The following ARID2 variants were observed in gnomAD, a reference collection of about 807,000 sequenced individuals.
The protein encoded by ARID2 is AT-rich interactive domain-containing protein 2.
A neutral mutation model predicts 184.6 loss-of-function variants in ARID2; 32 were observed. The observed-to-expected ratio is 0.17, with a 90% CI of 0.13 to 0.23. The LOEUF is 0.23. Among genes scored for constraint, ARID2 ranks in the 10% least tolerant of loss-of-function variants. ARID2 has a pLI of 1.00. For synonymous variants in ARID2, 836 were observed against 772.6 expected (o/e 1.08, Z -1.36); for missense variants, 1,696 against 2,197.6 (o/e 0.77, Z 4.56).
At chr12:45,798,980 C>T (rs1942443813) in intron 3 of ARID2, among the ~76,000 whole-genome samples, 1 of 151,352 alleles carries the variant, frequency 6.6e-6, no homozygotes, top group Admixed American at 6.6e-5. Flanking sequence ...GGTACTCTCC[C>T]TAATATATTA....
intron 1 of ARID2, 55 bp downstream of exon 1, chr12:45,729,983 T>C (rs2137959190): frequency 1.2e-6 from 2 of 1,605,602 alleles, no homozygotes; most frequent in South Asian, 1.1e-5. Flanking sequence ...AACGGGGCTC[T>C]CCCGCCCGGG....
chr12:45,833,874 C>CA (rs1231054764), intron 6 of ARID2, among the ~76,000 whole-genome samples: 2 of 152,276 alleles, frequency 1.3e-5, no homozygotes, highest in East Asian at 3.9e-4. Context: ...GCAATGAACT[C>CA]AAAGTATATG....
intron 3 of ARID2, among the ~76,000 whole-genome samples, chr12:45,741,006 A>G (rs972417895): frequency 6.6e-6 from 1 of 152,196 alleles, no homozygotes; most frequent in African/African-American, 2.4e-5. Flanking sequence ...CTGTAGCGAC[A>G]TACCTTGAGA....
chr12:45,850,344 A>G lies in ARID2; in HGVS notation c.2221A>G (p.Ser741Gly), dbSNP rs1300098322. Residue 741 changes from serine to glycine, a missense_variant, in exon 15 of 21, where the codon AGT (serine) becomes GGT (glycine). Coordinates refer to ENST00000334344, the MANE Select transcript of ARID2 (RefSeq NM_152641.4). ...TGCTGTTGGAGGAGGACCTCCACAG[A>G]GTTCTGTTGTTCAGAATCATAGTAC... ...SIAVGGGPPQ[S>G]SVVQNHSTGP... 1 of 1,614,098 alleles carries G rather than the reference A, an allele frequency of 6.2e-7. No homozygotes were observed. Among genetic ancestry groups the G allele is most frequent in the Non-Finnish European group, 8.5e-7 (1 of 1,179,982 alleles).
chr12:45,748,531 AC>A (rs1941400267), intron 3 of ARID2, among the ~76,000 whole-genome samples: 1 of 147,238 alleles, frequency 6.8e-6, no homozygotes, highest in African/African-American at 2.4e-5. Flanking sequence ...GGTGGTGGTT[AC>A]TGAAGATTGG....
At chr12:45,796,972 C>T (rs566513898) in intron 3 of ARID2, among the ~76,000 whole-genome samples, 1 of 152,254 alleles carries the variant, frequency 6.6e-6, no homozygotes, top group East Asian at 1.9e-4. Context: ...TTACCTAAAC[C>T]TTTGCCAAAA....
intron 4 of ARID2, among the ~76,000 whole-genome samples, chr12:45,816,481 C>G (rs1439192187): frequency 6.6e-6 from 1 of 152,110 alleles, no homozygotes; most frequent in African/African-American, 2.4e-5. Flanking sequence ...GATGGAAATG[C>G]AAGATGTTAC....
At chr12:45,828,287 G>A (rs939137057) in intron 6 of ARID2, among the ~76,000 whole-genome samples, 4 of 151,820 alleles carry the variant, frequency 2.6e-5, no homozygotes, top group African/African-American at 4.8e-5. Flanking sequence ...GCATATCGTT[G>A]CAAGTATTTG....
intron 3 of ARID2, among the ~76,000 whole-genome samples, chr12:45,790,809 G>A (rs1051519425): frequency 2.6e-5 from 4 of 152,050 alleles, no homozygotes; most frequent in African/African-American, 9.7e-5. Context: ...GGTGTTTCAT[G>A]TTCTAAAAGA....
chr12:45,846,800 G>A (rs1326255394), intron 11 of ARID2, 56 bp from the exon 12 acceptor site: 8 of 1,550,862 alleles, frequency 5.2e-6, no homozygotes, highest in South Asian at 1.1e-5. Context: ...AAAAAAGTAT[G>A]GCAAATAGTG....
At chr12:45,812,888 G>T (rs1046106047) in intron 4 of ARID2, among the ~76,000 whole-genome samples, 1 of 152,106 alleles carries the variant, frequency 6.6e-6, no homozygotes, top group Non-Finnish European at 1.5e-5. Context: ...TTTGGTGTCC[G>T]CTACTACTGT....
At chr12:45,839,298 A>G (rs1240367253) in intron 10 of ARID2, 31 bp from the exon 11 acceptor site, 1 of 1,558,304 alleles carries the variant, frequency 6.4e-7, no homozygotes, top group East Asian at 2.3e-5. Flanking sequence ...AATATTATTG[A>G]CTAATAACTA....
In ARID2 at chr12:45,852,011, GAGAA is replaced by G; in HGVS notation, c.3891_3894del (p.Arg1297SerfsTer24). On this transcript the variant is annotated frameshift_variant, in exon 15 of 21. Transcript: ENST00000334344. LOFTEE classifies it high-confidence loss of function. The stretch of plus-strand genomic sequence containing the variant: ...TGCATGTGGGAAGTCTTTTAAATGG[GAGAA>G]AGTACAGTGACTCAAGTCTACCTCC... 1 of 1,614,148 alleles carries G rather than the reference GAGAA, an allele frequency of 6.2e-7. No individual in the cohort carries two copies. Among genetic ancestry groups the G allele is most frequent in the Non-Finnish European group, 8.5e-7 (1 of 1,180,008 alleles).
At position 45,850,916 on chromosome 12, in the gene ARID2, G is replaced by T. The variant is rs1166926242; in HGVS notation, c.2793G>T (p.Gln931His). 1.2e-6 allele frequency: 2 copies of T among 1,614,124 alleles called. No homozygotes were observed. Among genetic ancestry groups the T allele is most frequent in the South Asian group, 1.1e-5 (1 of 91,072 alleles). The change falls in exon 15 of 21, where the codon CAG becomes CAT. Residue 931 changes from glutamine (Q) to histidine (H), a missense_variant. By Grantham distance (24) the Gln-to-His change is conservative. Transcript: ENST00000334344. ...PTQQSVVIVS[Q>H]PAQQGQTYAP... is the part of the protein sequence containing the mutation. ...AACAAAGCGTAGTGATTGTAAGCCA[G>T]CCAGCTCAACAAGGTCAAACTTATG...
intron 8 of ARID2, 42 bp downstream of exon 8, chr12:45,837,033 C>G (rs1044757115): frequency 6.3e-7 from 1 of 1,581,488 alleles, no homozygotes; most frequent in African/African-American, 1.4e-5. Context: ...TTATAGTTAG[C>G]AACATTTATG....
chr12:45,768,866 G>C (rs577467305), intron 3 of ARID2, among the ~76,000 whole-genome samples: 2 of 152,268 alleles, frequency 1.3e-5, no homozygotes, highest in South Asian at 4.1e-4. Flanking sequence ...CCAGCAATTG[G>C]TGATGCCTAA....
At chr12:45,779,746 T>A (rs1942054626) in intron 3 of ARID2, among the ~76,000 whole-genome samples, 2 of 152,154 alleles carry the variant, frequency 1.3e-5, no homozygotes, top group East Asian at 3.9e-4. Flanking sequence ...AAATAATAAT[T>A]TATTCAATAA....
intron 3 of ARID2, among the ~76,000 whole-genome samples, chr12:45,759,373 A>G (rs1008108370): frequency 1.3e-5 from 2 of 152,184 alleles, no homozygotes; most frequent in East Asian, 3.8e-4. Flanking sequence ...CAGACTGTCT[A>G]TCAAAAATGT....
At chr12:45,761,594 G>A (rs533782843) in intron 3 of ARID2, among the ~76,000 whole-genome samples, 59 of 151,956 alleles carry the variant, frequency 3.9e-4, no homozygotes, top group Non-Finnish European at 7.1e-4. Context: ...GTATCAGTTT[G>A]ACCCTGCTCT....
Sources: allele counts gnomAD v4.1 joint callset (sites outside exome capture counted in the v4.1 genomes callset), GRCh38; gene constraint gnomAD v4.1.1; transcripts MANE v1.5; gene names NCBI Gene and HGNC (gene_info 2026-07-23, HGNC 2026-07-21).